Variants in CAST observed in about 807,000 individuals in gnomAD.
CAST encodes the protein calpastatin, also known as MIR583 host.
Under a neutral mutation model 119.6 loss-of-function variants are expected in CAST, and 76 were observed. The ratio of observed to expected loss-of-function variants is 0.64; its 90% confidence interval spans 0.53 to 0.77. CAST has a LOEUF of 0.77. Ranked by LOEUF, CAST falls within the 30% of genes least tolerant of loss-of-function variation. The probability of loss-of-function intolerance (pLI) is 0.00; values close to 1 mark genes in which losing one functional copy is unlikely to be tolerated. For missense variants in CAST, 953 were observed against 946.5 expected, an observed-to-expected ratio of 1.01 and a Z score of -0.09; for synonymous variants, 319 against 331.6, an observed-to-expected ratio of 0.96 and a Z score of 0.41.
At chr5:96,654,321 G>A (rs183020569) in intron 1 of CAST, among the ~76,000 whole-genome samples, 419 of 152,024 alleles carry the variant, frequency 2.8e-3, no homozygotes, top group Non-Finnish European at 4.7e-3. Context: ...CACCGCACCC[G>A]GCCCATTTTC....
chr5:96,020,816 T>TCCCCCCC, the CAST span, among the ~76,000 whole-genome samples: 1 of 80,888 alleles, frequency 1.2e-5, no homozygotes, highest in Non-Finnish European at 2.6e-5. Context: ...CCCCAAACCA[T>TCCCCCCC]CCCCCACCCC....
At chr5:96,112,724 C>A in the CAST span, among the ~76,000 whole-genome samples, 3 of 152,086 alleles carry the variant, frequency 2.0e-5, no homozygotes, top group Admixed American at 6.5e-5. Context: ...CCTCAGCTAC[C>A]AAATAGCATA....
At chr5:96,164,053 C>T in the CAST span, among the ~76,000 whole-genome samples, 3 of 152,122 alleles carry the variant, frequency 2.0e-5, no homozygotes, top group Non-Finnish European at 4.4e-5. Context: ...AACACTGAGA[C>T]TAGTGCCTGA....
intron 1 of CAST, among the ~76,000 whole-genome samples, chr5:96,664,371 A>T (rs536723580): frequency 1.3e-5 from 2 of 149,654 alleles, no homozygotes; most frequent in African/African-American, 2.5e-5. Flanking sequence ...GTGTGTGTGC[A>T]TATATATGTG....
the CAST span, among the ~76,000 whole-genome samples, chr5:96,369,952 G>C: frequency 6.6e-6 from 1 of 152,052 alleles, no homozygotes; most frequent in Admixed American, 6.5e-5. Flanking sequence ...CATAGTAGCT[G>C]CTCAATAAAA....
At chr5:96,491,489 TCAAAAAAAAAAAA>T in the CAST span, among the ~76,000 whole-genome samples, 2 of 5,176 alleles carry the variant, frequency 3.9e-4, no homozygotes, top group African/African-American at 9.4e-4. Flanking sequence ...AGACTCCATC[TCAAAAAAAAAAAA>T]AAAAAAAAAA....
At chr5:96,639,811 C>T (rs976600260) in intron 1 of CAST, among the ~76,000 whole-genome samples, 11 of 152,108 alleles carry the variant, frequency 7.2e-5, no homozygotes, top group Non-Finnish European at 1.3e-4. Flanking sequence ...TGAGTATGCA[C>T]GGTTTGGGTA....
chr5:96,426,169 T>G, the CAST span, among the ~76,000 whole-genome samples: 1 of 152,188 alleles, frequency 6.6e-6, no homozygotes, highest in East Asian at 1.9e-4. Flanking sequence ...AGTGAAATGA[T>G]AATTCCCTAA....
chr5:96,223,746 T>G, the CAST span, among the ~76,000 whole-genome samples: 4 of 152,340 alleles, frequency 2.6e-5, no homozygotes, highest in African/African-American at 7.2e-5. Flanking sequence ...CTGCTTCTTC[T>G]CCATCTGTCC....
At chr5:96,719,571 GT>G in intron 3 of CAST, among the ~76,000 whole-genome samples, 1 of 152,292 alleles carries the variant, frequency 6.6e-6, no homozygotes, top group African/African-American at 2.4e-5. Flanking sequence ...CTTAATTCAA[GT>G]TTATAAATGA....
At chr5:96,334,477 G>A in the CAST span, among the ~76,000 whole-genome samples, 4 of 152,140 alleles carry the variant, frequency 2.6e-5, no homozygotes, top group Admixed American at 6.5e-5. Context: ...CCACACCATC[G>A]GAGGTTCTGC....
chr5:96,096,582 G>A, the CAST span, among the ~76,000 whole-genome samples: 2 of 152,196 alleles, frequency 1.3e-5, no homozygotes, highest in East Asian at 3.8e-4. Context: ...ACCTCTCTGT[G>A]TGATAGCTGC....
At chr5:96,285,659 C>A in the CAST span, among the ~76,000 whole-genome samples, 1 of 152,168 alleles carries the variant, frequency 6.6e-6, no homozygotes, top group African/African-American at 2.4e-5. Flanking sequence ...ATCCTCATCT[C>A]AGTTATTCCG....
chr5:96,242,186 T>C, the CAST span, among the ~76,000 whole-genome samples: 1 of 151,480 alleles, frequency 6.6e-6, no homozygotes, highest in African/African-American at 2.4e-5. Flanking sequence ...TCTAGGGTTT[T>C]TATGGTTTTA....
chr5:96,158,651 A>C, the CAST span, among the ~76,000 whole-genome samples: 6 of 152,250 alleles, frequency 3.9e-5, no homozygotes, highest in Admixed American at 1.3e-4. Flanking sequence ...ATTGGTGAGA[A>C]CATATTTGAC....
the CAST span, among the ~76,000 whole-genome samples, chr5:96,372,339 A>G: frequency 6.5e-4 from 99 of 152,272 alleles, no homozygotes; most frequent in African/African-American, 2.3e-3. Flanking sequence ...ATCTGATTAC[A>G]TATAAGTTAT....
chr5:96,440,567 G>T, the CAST span, among the ~76,000 whole-genome samples: 2 of 152,096 alleles, frequency 1.3e-5, no homozygotes, highest in Non-Finnish European at 2.9e-5. Flanking sequence ...ATGGACTTGT[G>T]GGTGGGGGAG....
the CAST span, chr5:96,400,003 G>T: frequency 6.8e-6 from 11 of 1,614,034 alleles, no homozygotes; most frequent in Non-Finnish European, 9.3e-6. Context: ...TCTCAGGCAC[G>T]CTCCTCCAGG....
chr5:96,477,293 T>A, the CAST span, among the ~76,000 whole-genome samples: 1 of 143,064 alleles, frequency 7.0e-6, no homozygotes, highest in Non-Finnish European at 1.5e-5. Context: ...TAGAGATATA[T>A]GCACGCACGC....
Sources: allele counts gnomAD v4.1 joint callset (sites outside exome capture counted in the v4.1 genomes callset), GRCh38; gene constraint gnomAD v4.1.1; transcripts MANE v1.5; gene names NCBI Gene and HGNC (gene_info 2026-07-23, HGNC 2026-07-21).